The following NPHP4 variants were observed in gnomAD, a reference collection of about 807,000 sequenced individuals.
NPHP4 encodes the protein nephrocystin 4.
In NPHP4, 151 loss-of-function variants were observed where a neutral mutation model predicts 155.8. The observed-to-expected ratio is 0.97, with a 90% CI of 0.85 to 1.11. The LOEUF is 1.11. NPHP4 is among the 50% of genes least tolerant of loss of function. The probability of loss-of-function intolerance (pLI) is 0.00; values close to 1 mark genes in which losing one functional copy is unlikely to be tolerated. For synonymous variants in NPHP4, 845 were observed against 816.8 expected, an observed-to-expected ratio of 1.03 and a Z score of -0.59; for missense variants, 1,956 against 1,925.7, an observed-to-expected ratio of 1.02 and a Z score of -0.29.
At chr1:5,917,619 T>C (rs944363889) in intron 11 of NPHP4, among the ~76,000 whole-genome samples, 8 of 152,210 alleles carry the variant, frequency 5.3e-5, no homozygotes, top group African/African-American at 1.9e-4. Flanking sequence ...TCATTCACTC[T>C]ACAAATATGT....
At chr1:5,984,913 C>T (rs767764259) in intron 2 of NPHP4, among the ~76,000 whole-genome samples, 1 of 152,200 alleles carries the variant, frequency 6.6e-6, no homozygotes, top group Admixed American at 6.5e-5. Context: ...TCGCCCTGGG[C>T]AGCTGGCTTC....
At position 5,880,255 on chromosome 1, in the gene NPHP4, C is replaced by T; in HGVS notation, c.2486-16G>A. The T allele has an allele frequency of 1.2e-6, 2 of 1,612,822 alleles. No individual in the cohort carries two copies. The highest frequency in any genetic ancestry group is 8.5e-7 in the Non-Finnish European group (1 of 1,179,288). ...CACGGGTGACCTACATGAAAAACAT[C>T]CCAACATAAGACATGAACCCCAAAT... On this transcript the variant is annotated splice_polypyrimidine_tract_variant and intron_variant, in intron 18 of 29. Coordinates refer to ENST00000378156, the MANE Select transcript of NPHP4 (RefSeq NM_015102.5).
In NPHP4 at chr1:5,914,257, C is replaced by CCAAAAA. The variant is rs1645340923; in HGVS notation, c.1442-5045_1442-5044insTTTTTG. On this transcript the variant is annotated intron_variant, in intron 11 of 29. Coordinates refer to ENST00000378156, the MANE Select transcript of NPHP4 (RefSeq NM_015102.5). ...GCAACATGGCAAAATCTTATCTATACAAAAAAAAAAAAAAAAAAAAAAAAA... is the reference window on the plus strand; with the variant it reads ...GCAACATGGCAAAATCTTATCTATACCAAAAAAAAAAAAAAAAAAAAAAAAAAAAAA... Among the ~76,000 whole-genome samples, 2 of 47,392 alleles carry CCAAAAA rather than the reference C, an allele frequency of 4.2e-5. 1 individual carries two copies. The highest frequency in any genetic ancestry group is 1.2e-4 in the African/African-American group (2 of 16,172). The allele number at this position is 47,392 out of a possible 152,430, so 31.1% of individuals were successfully genotyped here. A position where few individuals can be genotyped will look rare whatever the true frequency, so the allele number is the denominator to read the frequency against.
At chr1:5,929,033 G>C (rs141016975) in intron 10 of NPHP4, among the ~76,000 whole-genome samples, 6 of 152,268 alleles carry the variant, frequency 3.9e-5, no homozygotes, top group Middle Eastern at 3.4e-3. Flanking sequence ...TATTTTGTTA[G>C]ATTTAGTTCA....
intron 26 of NPHP4, chr1:5,865,873 G>C (rs1029402281): frequency 2.1e-5 from 4 of 186,948 alleles, no homozygotes; most frequent in African/African-American, 9.4e-5. Flanking sequence ...AGCACTGCAG[G>C]AAATCTCCGA....
chr1:5,866,099 C>T, intron 26 of NPHP4: 1 of 510,070 alleles, frequency 2.0e-6, no homozygotes, highest in Non-Finnish European at 3.6e-6. Context: ...TGGCCCTTGC[C>T]ACTATCTGGG....
In NPHP4 at chr1:5,952,832, G is replaced by A. The variant is rs755363322; in HGVS notation, c.678C>T (p.Asp226=). 2.2e-5 allele frequency: 35 copies of A among 1,599,156 alleles called. No individual in the cohort carries two copies. The highest frequency in any genetic ancestry group is 5.7e-5 in the South Asian group (5 of 88,206). The change falls in exon 7 of 30, where the codon GAC becomes GAT. Residue 226 remains aspartate (D), a synonymous_variant. Coordinates refer to ENST00000378156, the MANE Select transcript of NPHP4 (RefSeq NM_015102.5). ...TCTGGAGGCGAGGCTTTCGGAGAGC[G>A]TCGCCTGAAACAGTGAGGGTGCGAA... The part of the protein sequence containing the change: ...GLLPAHGESG[D]ALRKPRLQKP...
intron 6 of NPHP4, among the ~76,000 whole-genome samples, chr1:5,956,701 G>A (rs1457430934): frequency 6.6e-6 from 1 of 152,212 alleles, no homozygotes; most frequent in Non-Finnish European, 1.5e-5. Context: ...AGCTAGCAAA[G>A]GGCAAACAGA....
Position 5,969,279 on chromosome 1 carries a change from G to A in NPHP4, c.280-20C>T, listed in dbSNP as rs370886782. On this transcript the variant is annotated intron_variant, in intron 3 of 29. Coordinates refer to ENST00000378156, the MANE Select transcript of NPHP4 (RefSeq NM_015102.5). ...CAAGGGCTGCAGAACAGAAGCCAGA[G>A]GATGGTCTGAGTGTTCAGGACACAC... The A allele has an allele frequency of 1.5e-5, 23 of 1,512,678 alleles. No individual in the cohort carries two copies. The highest frequency in any genetic ancestry group is 2.1e-5 in the Non-Finnish European group (23 of 1,119,046). The allele number at this position is 1,512,678 out of a possible 1,614,324, so 93.7% of individuals were successfully genotyped here.
intron 9 of NPHP4, among the ~76,000 whole-genome samples, chr1:5,941,555 AACAT>A (rs1646817319): frequency 6.6e-6 from 1 of 152,090 alleles, no homozygotes; most frequent in African/African-American, 2.4e-5. Context: ...AAATATCCTT[AACAT>A]ACAAAGAACT....
rs1409310272 is a variant in NPHP4, at chr1:5,944,951, ACT to A, written c.1119+2151_1119+2152del. Among the ~76,000 whole-genome samples, 1 of 152,046 alleles carries A rather than the reference ACT, an allele frequency of 6.6e-6. No homozygotes were observed. The highest frequency in any genetic ancestry group is 1.5e-5 in the Non-Finnish European group (1 of 67,994). ...CGCCACTGAGGGGCGACAGAGTGAG[ACT>A]CTGTCTCGAAAAGAGAAGAGAAGAG... On this transcript the variant is annotated intron_variant, in intron 9 of 29. Transcript: ENST00000378156. The surrounding 1 kb of genome is among the most constrained non-coding windows in gnomAD (Gnocchi z 4.3).
chr1:5,874,745 C>T (rs1305470214), intron 21 of NPHP4, 88 bp from the exon 22 acceptor site: 7 of 1,526,722 alleles, frequency 4.6e-6, no homozygotes, highest in Non-Finnish European at 6.3e-6. Flanking sequence ...GAGCGGTGCT[C>T]AGAGGAGTGG....
At chr1:5,916,058 T>G (rs753950783) in intron 11 of NPHP4, among the ~76,000 whole-genome samples, 1 of 152,108 alleles carries the variant, frequency 6.6e-6, no homozygotes, top group Non-Finnish European at 1.5e-5. Context: ...ACATGGCTGT[T>G]TTCAAATCTA....
Position 5,969,229 on chromosome 1 carries a change from G to A in NPHP4, c.310C>T (p.Pro104Ser), listed in dbSNP as rs1286255762. ...ACTTCCACCACAGCCACGATATGAG[G>A]GTGGTTTAGGGATGTGTGAAAATAC... Reference protein sequence around the residue: ...PLYFHTSLNHPHIVAVVEVVA... With the variant: ...PLYFHTSLNHSHIVAVVEVVA... Residue 104 changes from proline (P) to serine (S), a missense_variant, in exon 4 of 30, where the codon CCT becomes TCT. Transcript: ENST00000378156. The A allele has an allele frequency of 1.3e-6, 2 of 1,582,292 alleles. No individual in the cohort carries two copies.
intron 9 of NPHP4, among the ~76,000 whole-genome samples, chr1:5,933,569 C>T (rs540975599): frequency 6.6e-6 from 1 of 152,318 alleles, no homozygotes; most frequent in African/African-American, 2.4e-5. Context: ...GTCAGGACCC[C>T]TGCCCACCCA....
chr1:5,898,977 C>T lies in NPHP4; in HGVS notation c.2143+5640G>A, dbSNP rs76166257. ...GGTATCATCAAGGAAGCTCCAACCA[C>T]GAGATGCCTCTACATCAGGATGGTT... is the stretch of plus-strand genomic sequence containing the variant. On this transcript the variant is annotated intron_variant, in intron 16 of 29. Transcript: ENST00000378156. Among the ~76,000 whole-genome samples, 407 of 152,310 alleles carry T rather than the reference C, an allele frequency of 2.7e-3. 3 individuals carry two copies. Among genetic ancestry groups the T allele is most frequent in the Non-Finnish European group, 3.9e-3 (266 of 68,030 alleles).
At chr1:5,967,503 C>T (rs1032734449) in intron 4 of NPHP4, 140 bp from the exon 5 acceptor site, 2 of 651,392 alleles carry the variant, frequency 3.1e-6, no homozygotes, top group Admixed American at 2.3e-5. Context: ...AAGGCAGAGG[C>T]AGCTGAGGCC....
intron 11 of NPHP4, among the ~76,000 whole-genome samples, chr1:5,913,413 A>C (rs2101401993): frequency 6.6e-6 from 1 of 152,328 alleles, no homozygotes; most frequent in East Asian, 1.9e-4. Flanking sequence ...ACCTCTCTGA[A>C]GATTCCTTTT....
chr1:5,952,163 G>A (rs960599017), intron 7 of NPHP4, among the ~76,000 whole-genome samples: 5 of 152,300 alleles, frequency 3.3e-5, no homozygotes, highest in Admixed American at 6.5e-5. Flanking sequence ...CAGGCCGAGG[G>A]GACAGTGAGT....
Sources: allele counts gnomAD v4.1 joint callset (sites outside exome capture counted in the v4.1 genomes callset), GRCh38; gene constraint gnomAD v4.1.1; non-coding constraint Gnocchi (gnomAD v3.1); transcripts MANE v1.5; gene names NCBI Gene and HGNC (gene_info 2026-07-23, HGNC 2026-07-21).